CRACD: variants seen among roughly 807,000 people sequenced by gnomAD.
The protein encoded by CRACD is capping protein-inhibiting regulator of actin dynamics.
CRACD carries 56 observed loss-of-function variants against 106.8 expected under a neutral mutation model. The observed-to-expected ratio is 0.52, with a 90% confidence interval of 0.42 to 0.66. The LOEUF is 0.66. CRACD is among the 30% of genes least tolerant of loss of function. CRACD has a pLI of 0.00. For synonymous variants in CRACD, 754 were observed against 670.8 expected, an observed-to-expected ratio of 1.12 and a Z score of -1.92; for missense variants, 1,730 against 1,623.2, an observed-to-expected ratio of 1.07 and a Z score of -1.13.
At chr4:56,296,276 A>C (rs1744025957) in intron 3 of CRACD, among the ~76,000 whole-genome samples, 2 of 152,142 alleles carry the variant, frequency 1.3e-5, no homozygotes, top group African/African-American at 4.8e-5. Flanking sequence ...TTCATCTGTC[A>C]CAAGATGGTG....
At chr4:56,299,687 C>T (rs376751892) in intron 4 of CRACD, among the ~76,000 whole-genome samples, 17 of 151,036 alleles carry the variant, frequency 1.1e-4, no homozygotes, top group East Asian at 3.9e-4. Context: ...AAAAAAAATT[C>T]GCTTACCCAA....
At chr4:56,260,536 T>C (rs1360131246) in intron 2 of CRACD, among the ~76,000 whole-genome samples, 1 of 152,238 alleles carries the variant, frequency 6.6e-6, no homozygotes, top group Non-Finnish European at 1.5e-5. Flanking sequence ...TCCCCAGTTA[T>C]TTAATGAAAC....
chr4:56,311,937 C>T (rs946718296), intron 6 of CRACD, among the ~76,000 whole-genome samples: 6 of 152,102 alleles, frequency 3.9e-5, no homozygotes, highest in African/African-American at 1.2e-4. Flanking sequence ...GGCTGTGTCA[C>T]GATCTCTCTG....
chr4:56,079,871 G>A (rs1035713062), intron 1 of CRACD, among the ~76,000 whole-genome samples: 1 of 152,074 alleles, frequency 6.6e-6, no homozygotes, highest in Non-Finnish European at 1.5e-5. Flanking sequence ...GTTTACCATT[G>A]GGCCAGTTTA....
rs145344756 is a variant in CRACD at position 56,113,401 on chromosome 4, C to G, written c.-336+64102C>G. Among the ~76,000 whole-genome samples the G allele has an allele frequency of 5.1e-3, 769 of 152,132 alleles. 10 individuals carry two copies. Among genetic ancestry groups the G allele is most frequent in the African/African-American group, 0.017 (725 of 41,512 alleles). On this transcript the variant is annotated intron_variant, in intron 1 of 10. Coordinates refer to ENST00000682029, the MANE Select transcript of CRACD (RefSeq NM_001393381.1). ...TAATGATAGGCAGTAAGTCTTTTTCCTAGTTTGCAAAAAGCTGTTCAGAAA... is the reference window on the plus strand; with the variant it reads ...TAATGATAGGCAGTAAGTCTTTTTCGTAGTTTGCAAAAAGCTGTTCAGAAA...
intron 1 of CRACD, among the ~76,000 whole-genome samples, chr4:56,064,236 G>A (rs897084590): frequency 4.6e-5 from 7 of 152,030 alleles, no homozygotes; most frequent in African/African-American, 1.7e-4. Context: ...ATGTATTCTG[G>A]GCATCAGTCA....
At chr4:56,161,309 C>T (rs1735942058) in intron 1 of CRACD, among the ~76,000 whole-genome samples, 1 of 151,992 alleles carries the variant, frequency 6.6e-6, no homozygotes, top group Non-Finnish European at 1.5e-5. Context: ...AAAGAAAGAA[C>T]TGTTTCATTC....
chr4:56,297,756 CAA>C (rs1237312125), intron 3 of CRACD: 2 of 153,542 alleles, frequency 1.3e-5, no homozygotes, highest in Admixed American at 1.3e-4. Flanking sequence ...AGTCCTCTTC[CAA>C]AGTCTTTGTT....
chr4:56,278,134 T>A (rs1214954551), intron 3 of CRACD, among the ~76,000 whole-genome samples: 2 of 152,160 alleles, frequency 1.3e-5, no homozygotes, highest in Admixed American at 1.3e-4. Flanking sequence ...AGCTGTCTTT[T>A]TTCCCCCAGA....
intron 3 of CRACD, among the ~76,000 whole-genome samples, chr4:56,287,434 C>T (rs1743437001): frequency 6.6e-6 from 1 of 152,060 alleles, no homozygotes; most frequent in South Asian, 2.1e-4. Context: ...AGGCGTGAAC[C>T]ACCATGCTTG....
chr4:56,326,271 C>T (rs1474915539), intron 10 of CRACD, among the ~76,000 whole-genome samples: 2 of 152,120 alleles, frequency 1.3e-5, no homozygotes, highest in South Asian at 2.1e-4. Flanking sequence ...GAACCGCAGG[C>T]AGGCATTATG....
In CRACD at chr4:56,166,675, CAA is replaced by C. The variant is rs35537364; in HGVS notation, c.-335-12593_-335-12592del. Among the ~76,000 whole-genome samples the C allele has an allele frequency of 6.9e-4, 64 of 92,740 alleles. 3 individuals are homozygous for C. In the South Asian group the frequency reaches 0.017, roughly 24 times the overall value. 60.8% of individuals were successfully genotyped at this position (92,740 alleles called of 152,430 possible). A position where few individuals can be genotyped will look rare whatever the true frequency, so the allele number is the denominator to read the frequency against. ...GGTGAGACAGAGAGACACTCTGTCT[CAA>C]AAAAAAAAAAAAAAACCATTTAATG... On this transcript the variant is annotated intron_variant, in intron 1 of 10. Transcript: ENST00000682029.
rs571570022 is a variant in CRACD, at chr4:56,289,026, C to T, written c.-16-9188C>T. 7.9e-5 allele frequency among the ~76,000 whole-genome samples: 12 copies of T among 152,266 alleles called. No homozygotes were observed. In the East Asian group the frequency reaches 1.2e-3, roughly 15 times the overall value. ...GTGAAATAAGCCAGGCACAAAAGGA[C>T]AGATATTATATTATTCCATTTAAAG... On this transcript the variant is annotated intron_variant, in intron 3 of 10. Transcript: ENST00000682029.
intron 3 of CRACD, among the ~76,000 whole-genome samples, chr4:56,290,089 A>T (rs1318786921): frequency 6.6e-6 from 1 of 152,224 alleles, no homozygotes; most frequent in Non-Finnish European, 1.5e-5. Context: ...GTAGAGACTC[A>T]CTAGAGATGT....
intron 2 of CRACD, among the ~76,000 whole-genome samples, chr4:56,189,936 A>G (rs1213427851): frequency 6.8e-6 from 1 of 147,814 alleles, no homozygotes; most frequent in Non-Finnish European, 1.5e-5. Context: ...ATCATCTAGC[A>G]TTAGGTATAT....
intron 1 of CRACD, among the ~76,000 whole-genome samples, chr4:56,160,576 T>G (rs1735917878): frequency 1.3e-5 from 2 of 152,214 alleles, no homozygotes; most frequent in African/African-American, 4.8e-5. Flanking sequence ...TGCTGCATGA[T>G]GGATCATTAA....
chr4:56,082,531 G>GGTA, intron 1 of CRACD, among the ~76,000 whole-genome samples: 1 of 152,302 alleles, frequency 6.6e-6, no homozygotes, highest in South Asian at 2.1e-4. Flanking sequence ...TAGGGTAGAT[G>GGTA]GAGTGAAGTA....
chr4:56,195,669 G>A (rs548968739), intron 2 of CRACD, among the ~76,000 whole-genome samples: 1 of 152,092 alleles, frequency 6.6e-6, no homozygotes, highest in African/African-American at 2.4e-5. Context: ...TTTGCCTTTG[G>A]TCGTGAATCC....
chr4:56,180,739 A>T (rs1314787381), intron 2 of CRACD, among the ~76,000 whole-genome samples: 1 of 152,148 alleles, frequency 6.6e-6, no homozygotes, highest in East Asian at 1.9e-4. Context: ...TGTATTGACT[A>T]TTTGGTTACT....
Sources: gnomAD v4.1 joint callset for allele counts (sites outside exome capture counted in the v4.1 genomes callset) on GRCh38, gnomAD v4.1.1 for gene constraint, MANE v1.5 for transcripts, NCBI Gene and HGNC (gene_info 2026-07-23, HGNC 2026-07-21) for gene names.